FRMD4A: variants seen among roughly 807,000 people sequenced by gnomAD.
The protein encoded by FRMD4A is FERM domain-containing protein 4A.
A neutral mutation model predicts 129.1 loss-of-function variants in FRMD4A; 29 were observed. The ratio of observed to expected loss-of-function variants is 0.22; its 90% CI spans 0.17 to 0.31. The LOEUF (loss-of-function observed/expected upper bound fraction) is 0.31. FRMD4A is among the 10% of genes least tolerant of loss of function. FRMD4A has a pLI of 1.00. For synonymous variants in FRMD4A, 634 were observed against 571.6 expected (o/e 1.11, Z -1.56); for missense variants, 1,272 against 1,375.8 (o/e 0.92, Z 1.19).
chr10:13,928,478 C>A (rs1407517280), intron 2 of FRMD4A, among the ~76,000 whole-genome samples: 1 of 152,030 alleles, frequency 6.6e-6, no homozygotes, highest in Non-Finnish European at 1.5e-5. Context: ...GCATTTATAT[C>A]CTGGCAAATG....
chr10:13,882,048 C>T (rs2094553341), intron 2 of FRMD4A, among the ~76,000 whole-genome samples: 1 of 117,374 alleles, frequency 8.5e-6, no homozygotes, highest in Admixed American at 8.9e-5. Flanking sequence ...TGATGGTTAA[C>T]ATAAGAAAAG....
intron 23 of FRMD4A, among the ~76,000 whole-genome samples, chr10:13,653,634 G>C (rs2081873057): frequency 2.0e-5 from 3 of 152,340 alleles, no homozygotes; most frequent in South Asian, 4.1e-4. Flanking sequence ...CCAGGAACCA[G>C]ACAAACCGAG....
At chr10:13,918,682 C>G (rs1406358403) in intron 2 of FRMD4A, among the ~76,000 whole-genome samples, 1 of 151,902 alleles carries the variant, frequency 6.6e-6, no homozygotes, top group African/African-American at 2.4e-5. Flanking sequence ...GTGTGCACCA[C>G]CACACCTGGC....
At chr10:13,895,708 A>G (rs1166690437) in intron 2 of FRMD4A, among the ~76,000 whole-genome samples, 1 of 152,254 alleles carries the variant, frequency 6.6e-6, no homozygotes, top group African/African-American at 2.4e-5. Context: ...CAGCAAAAGA[A>G]ACTATCATCA....
intron 6 of FRMD4A, among the ~76,000 whole-genome samples, chr10:13,768,618 G>A (rs756365561): frequency 3.3e-5 from 5 of 152,150 alleles, no homozygotes; most frequent in African/African-American, 1.2e-4. Flanking sequence ...TTATCACCAC[G>A]TTTATTCTTA....
intron 12 of FRMD4A, among the ~76,000 whole-genome samples, chr10:13,713,176 T>A (rs566233951): frequency 5.9e-5 from 9 of 152,304 alleles, no homozygotes; most frequent in Admixed American, 2.0e-4. Context: ...TCCTGTTTCA[T>A]CCAGGGGGGC....
At chr10:13,943,675 A>AAAAAAAAAAAAAAAAAAAAAAAAAAG (rs2095310696) in intron 2 of FRMD4A, among the ~76,000 whole-genome samples, 3 of 123,792 alleles carry the variant, frequency 2.4e-5, no homozygotes, top group Admixed American at 8.6e-5. Context: ...AAAAAAAAAA[A>AAAAAAAAAAAAAAAAAAAAAAAAAAG]AAAAGAAAAA....
At chr10:13,827,087 C>T (rs1392107640) in intron 3 of FRMD4A, among the ~76,000 whole-genome samples, 1 of 152,164 alleles carries the variant, frequency 6.6e-6, no homozygotes, top group East Asian at 1.9e-4. Flanking sequence ...AAGACAAAGT[C>T]CATTGAAGAC....
intron 2 of FRMD4A, among the ~76,000 whole-genome samples, chr10:13,869,404 C>G (rs758706117): frequency 2.0e-5 from 3 of 152,222 alleles, no homozygotes; most frequent in Non-Finnish European, 4.4e-5. Flanking sequence ...ACCTTCCAAC[C>G]AAACAAGCTA....
chr10:13,713,903 C>A (rs1480083021), intron 12 of FRMD4A, among the ~76,000 whole-genome samples: 1 of 125,240 alleles, frequency 8.0e-6, no homozygotes, highest in African/African-American at 3.1e-5. Context: ...ATAATATATA[C>A]ATATATGTAA....
intron 2 of FRMD4A, among the ~76,000 whole-genome samples, chr10:14,312,187 G>A (rs1846572567): frequency 6.6e-6 from 1 of 152,158 alleles, no homozygotes; most frequent in South Asian, 2.1e-4. Context: ...AAATTAAAAG[G>A]CCATCTGCCT....
chr10:14,311,299 G>A (rs1846538836), intron 2 of FRMD4A, among the ~76,000 whole-genome samples: 1 of 152,072 alleles, frequency 6.6e-6, no homozygotes, highest in Non-Finnish European at 1.5e-5. Flanking sequence ...CAGCTATCTC[G>A]ACCTTTGTAG....
chr10:14,286,279 T>A (rs1010431303), intron 2 of FRMD4A, among the ~76,000 whole-genome samples: 1 of 152,038 alleles, frequency 6.6e-6, no homozygotes, highest in Non-Finnish European at 1.5e-5. Context: ...ATATGGTAGC[T>A]TTTGATTCTA....
chr10:13,859,679 C>G (rs2094266299), intron 2 of FRMD4A, among the ~76,000 whole-genome samples: 1 of 152,178 alleles, frequency 6.6e-6, no homozygotes, highest in African/African-American at 2.4e-5. Context: ...AACCAGAAAG[C>G]AGATGACCAC....
At chr10:14,090,993 C>G (rs1172042418) in intron 2 of FRMD4A, among the ~76,000 whole-genome samples, 3 of 151,960 alleles carry the variant, frequency 2.0e-5, no homozygotes, top group African/African-American at 7.3e-5. Flanking sequence ...ATTTGACTGC[C>G]TTGTGAAATA....
chr10:14,142,889 T>C (rs1239177477), intron 2 of FRMD4A, among the ~76,000 whole-genome samples: 1 of 152,068 alleles, frequency 6.6e-6, no homozygotes, highest in Non-Finnish European at 1.5e-5. Context: ...AATAAATACA[T>C]GGAAAGATGC....
intron 17 of FRMD4A, among the ~76,000 whole-genome samples, chr10:13,669,063 T>A (rs1252637717): frequency 1.8e-5 from 1 of 54,658 alleles, no homozygotes. Flanking sequence ...TTTAGTTTTT[T>A]TTTTTTTTTT....
At position 13,646,486 on chromosome 10, in the gene FRMD4A, C is replaced by G. The variant is rs1302175628; in HGVS notation, c.*552G>C. ...GTGTAAACTGAATATGCCACGAGGC[C>G]TCCTCTTCATGAAGTGCTTGGTTGG... On this transcript the variant is annotated 3_prime_UTR_variant, in exon 25 of 25. Transcript: ENST00000357447. 1 of 152,264 alleles carries G rather than the reference C, an allele frequency of 6.6e-6. No individual in the cohort carries two copies. The highest frequency in any genetic ancestry group is 1.9e-4 in the East Asian group (1 of 5,192). The allele number at this position is 152,264 out of a possible 1,614,324, so 9.4% of individuals were successfully genotyped here.
chr10:14,324,482 T>TC (rs572349144), intron 2 of FRMD4A, among the ~76,000 whole-genome samples: 115 of 152,258 alleles, frequency 7.6e-4, no homozygotes, highest in Non-Finnish European at 1.3e-3. Context: ...CTAGGACCTC[T>TC]CCCCTGGGCC....
Sources: allele counts gnomAD v4.1 joint callset (sites outside exome capture counted in the v4.1 genomes callset), GRCh38; gene constraint gnomAD v4.1.1; transcripts MANE v1.5; gene names NCBI Gene and HGNC (gene_info 2026-07-23, HGNC 2026-07-21).